The following NEBL variants were observed in gnomAD, a reference collection of about 807,000 sequenced individuals.
NEBL encodes the protein LIM and SH3 protein 2.
A neutral mutation model predicts 140.2 loss-of-function variants in NEBL; 122 were observed. The ratio of observed to expected loss-of-function variants is 0.87; its 90% CI spans 0.75 to 1.01. The LOEUF (loss-of-function observed/expected upper bound fraction) is 1.01, where lower values mean the gene tolerates loss of function less well. Ranked by LOEUF, NEBL falls within the 50% of genes least tolerant of loss-of-function variation. The pLI is 0.00. For synonymous variants in NEBL, 436 were observed against 398.9 expected (o/e 1.09, Z -1.11); for missense variants, 1,365 against 1,231.3 (o/e 1.11, Z -1.62).
At chr10:21,281,880 T>C (rs1842997808) in intron 1 of NEBL, among the ~76,000 whole-genome samples, 1 of 152,236 alleles carries the variant, frequency 6.6e-6, no homozygotes, top group African/African-American at 2.4e-5. Context: ...ACTGTATCCA[T>C]AGTTTTGCCT....
intron 3 of NEBL, among the ~76,000 whole-genome samples, chr10:21,196,404 G>A (rs1013887326): frequency 1.3e-5 from 2 of 150,836 alleles, no homozygotes; most frequent in African/African-American, 4.9e-5. Flanking sequence ...GAGTACAATG[G>A]CACAATCTTG....
At chr10:21,227,014 A>G (rs1393350758) in intron 3 of NEBL, among the ~76,000 whole-genome samples, 1 of 152,110 alleles carries the variant, frequency 6.6e-6, no homozygotes, top group Non-Finnish European at 1.5e-5. Flanking sequence ...CTGGAGTTGG[A>G]ATAAGGTAAG....
At chr10:21,202,533 A>G (rs145599007) in intron 3 of NEBL, among the ~76,000 whole-genome samples, 11,333 of 138,090 alleles carry the variant, frequency 0.082, 483 homozygotes, top group Non-Finnish European at 0.098. Flanking sequence ...GCGTGATCTC[A>G]GCTCACTGCA....
At chr10:21,176,764 A>C (rs1465833182), upstream of NEBL, among the ~76,000 whole-genome samples, 1 of 152,170 alleles carries the variant, frequency 6.6e-6, no homozygotes, top group Non-Finnish European at 1.5e-5. Flanking sequence ...TGACAGGGAC[A>C]CTCACAGATA....
chr10:21,138,822 T>TA (rs60213612), intron 2 of NEBL, among the ~76,000 whole-genome samples: 1,525 of 120,138 alleles, frequency 0.013, 7 homozygotes, highest in Middle Eastern at 0.018. Context: ...CTAAACTATT[T>TA]AAAAAAAAAA....
chr10:20,931,019 A>G (rs1214742348), intron 4 of NEBL, among the ~76,000 whole-genome samples: 1 of 152,176 alleles, frequency 6.6e-6, no homozygotes, highest in Admixed American at 6.5e-5. Flanking sequence ...AGTACTGTTT[A>G]GGCTTTCAGG....
intron 2 of NEBL, chr10:21,030,746 G>A (rs550333525): frequency 4.6e-6 from 2 of 438,286 alleles, no homozygotes; most frequent in South Asian, 1.9e-5. Context: ...GAGTCAGATA[G>A]GAAAGATGGC....
intron 1 of NEBL, among the ~76,000 whole-genome samples, chr10:21,258,388 G>T (rs187132723): frequency 1.6e-4 from 25 of 152,276 alleles, no homozygotes; most frequent in Admixed American, 4.6e-4. Context: ...GGCCAACATG[G>T]TGAAATCCCC....
At chr10:21,099,463 C>T (rs981337391) in intron 2 of NEBL, among the ~76,000 whole-genome samples, 1 of 152,122 alleles carries the variant, frequency 6.6e-6, no homozygotes, top group South Asian at 2.1e-4. Context: ...ATCAGCTCTC[C>T]ATCTATTTTA....
chr10:21,136,823 T>C (rs942240636), intron 2 of NEBL, among the ~76,000 whole-genome samples: 1 of 152,256 alleles, frequency 6.6e-6, no homozygotes, highest in Non-Finnish European at 1.5e-5. Context: ...GGTAAATTAA[T>C]TCCTATCTAG....
chr10:21,177,515 G>A (rs1841321422), upstream of NEBL, among the ~76,000 whole-genome samples: 1 of 151,806 alleles, frequency 6.6e-6, no homozygotes, highest in Non-Finnish European at 1.5e-5. Context: ...AAAAGATTCA[G>A]TATACAGTCT....
intron 7 of NEBL, among the ~76,000 whole-genome samples, chr10:20,867,544 G>A (rs1844423424): frequency 6.6e-6 from 1 of 151,980 alleles, no homozygotes; most frequent in Admixed American, 6.6e-5. Flanking sequence ...TAGTTAATGT[G>A]CCTACCTATT....
intron 2 of NEBL, among the ~76,000 whole-genome samples, chr10:21,046,134 A>G (rs1344843970): frequency 1.3e-5 from 2 of 152,230 alleles, no homozygotes; most frequent in Admixed American, 1.3e-4. Flanking sequence ...AGGCACAGAA[A>G]GATAAATACC....
At chr10:21,119,881 A>G (rs1430675276) in intron 2 of NEBL, among the ~76,000 whole-genome samples, 1 of 152,040 alleles carries the variant, frequency 6.6e-6, no homozygotes, top group African/African-American at 2.4e-5. Flanking sequence ...AATCTCCTTT[A>G]AACAGCTCCC....
At chr10:21,133,844 C>A (rs1266884692) in intron 2 of NEBL, among the ~76,000 whole-genome samples, 1 of 152,250 alleles carries the variant, frequency 6.6e-6, no homozygotes, top group South Asian at 2.1e-4. Context: ...GCTTAGGAAC[C>A]ACTTGATGCT....
chr10:20,912,762 G>A (rs563749014), intron 4 of NEBL, among the ~76,000 whole-genome samples: 4 of 152,062 alleles, frequency 2.6e-5, no homozygotes, highest in African/African-American at 4.8e-5. Flanking sequence ...AATTATATAC[G>A]CAGTTGTTGG....
chr10:20,939,367 T>C (rs1834707142), intron 4 of NEBL, among the ~76,000 whole-genome samples: 2 of 152,104 alleles, frequency 1.3e-5, no homozygotes, highest in Admixed American at 6.6e-5. Context: ...TAAAATACTT[T>C]ACAGACAAGC....
intron 1 of NEBL, among the ~76,000 whole-genome samples, chr10:21,258,220 C>G (rs2132278273): frequency 6.6e-6 from 1 of 151,976 alleles, no homozygotes; most frequent in South Asian, 2.1e-4. Context: ...CCCAGATGTT[C>G]ACAACTGCAA....
intron 3 of NEBL, among the ~76,000 whole-genome samples, chr10:21,184,336 G>A (rs1414757323): frequency 6.6e-6 from 1 of 152,200 alleles, no homozygotes; most frequent in Non-Finnish European, 1.5e-5. Flanking sequence ...TGGTTGCTCA[G>A]TAAAGGGGCT....
Sources: gnomAD v4.1 joint callset for allele counts (sites outside exome capture counted in the v4.1 genomes callset) on GRCh38, gnomAD v4.1.1 for gene constraint, MANE v1.5 for transcripts, NCBI Gene and HGNC (gene_info 2026-07-23, HGNC 2026-07-21) for gene names.